The following SETBP1 variants were observed in gnomAD, a reference collection of about 807,000 sequenced individuals.
SETBP1 encodes SET-binding protein.
In SETBP1, 9 loss-of-function variants were observed where a neutral mutation model predicts 101.0. The ratio of observed to expected loss-of-function variants is 0.09; its 90% CI spans 0.05 to 0.16. SETBP1 has a LOEUF of 0.16. Ranked by LOEUF, SETBP1 falls within the 10% of genes least tolerant of loss-of-function variation. The pLI, the probability that SETBP1 is intolerant of heterozygous loss-of-function variation, is 1.00. For missense variants in SETBP1, 1,858 were observed against 2,033.8 expected, an observed-to-expected ratio of 0.91 and a Z score of 1.66; for synonymous variants, 818 against 788.5, an observed-to-expected ratio of 1.04 and a Z score of -0.63.
intron 2 of SETBP1, among the ~76,000 whole-genome samples, chr18:44,787,583 G>A (rs1385058854): frequency 1.3e-5 from 2 of 151,974 alleles, no homozygotes; most frequent in Admixed American, 6.6e-5. Context: ...GGCCGGGCGC[G>A]GTGGCTCACG....
At chr18:44,818,380 G>T (rs914316094) in intron 2 of SETBP1, among the ~76,000 whole-genome samples, 2 of 152,086 alleles carry the variant, frequency 1.3e-5, no homozygotes, top group East Asian at 1.9e-4. Context: ...AGGCCCAGCC[G>T]GGCAGTGACA....
chr18:44,705,918 C>A (rs1040526298), intron 2 of SETBP1, among the ~76,000 whole-genome samples: 2 of 152,174 alleles, frequency 1.3e-5, no homozygotes, highest in African/African-American at 2.4e-5. Context: ...CTCAAGGATG[C>A]ACGGACTCTT....
intron 1 of SETBP1, among the ~76,000 whole-genome samples, chr18:44,697,705 A>C: frequency 6.6e-6 from 1 of 152,238 alleles, no homozygotes; most frequent in East Asian, 1.9e-4. Context: ...GCTAGAAGAC[A>C]ATACAAGGCT....
At chr18:44,889,665 A>T in intron 3 of SETBP1, among the ~76,000 whole-genome samples, 1 of 152,142 alleles carries the variant, frequency 6.6e-6, no homozygotes, top group Admixed American at 6.6e-5. Context: ...CAGATAGTTA[A>T]ATTAAACTAT....
At chr18:45,005,397 A>G (rs2072702313) in intron 4 of SETBP1, among the ~76,000 whole-genome samples, 1 of 152,204 alleles carries the variant, frequency 6.6e-6, no homozygotes, top group African/African-American at 2.4e-5. Context: ...ATAGGGTCAT[A>G]AGACCATGGG....
At chr18:44,937,205 C>G (rs944297093) in intron 3 of SETBP1, among the ~76,000 whole-genome samples, 1 of 152,032 alleles carries the variant, frequency 6.6e-6, no homozygotes, top group Non-Finnish European at 1.5e-5. Context: ...GTAATCCCAG[C>G]ACTTTGGGAG....
Position 44,950,023 on chromosome 18 carries a change from G to A in SETBP1, c.683G>A (p.Ser228Asn). Residue 228 changes from serine (S) to asparagine (N), a missense_variant, in exon 4 of 6, where the codon AGC (serine) becomes AAC (asparagine). Ser to Asn is a conservative substitution (Grantham distance 46). Transcript: ENST00000649279. ...ATGGACTGGTCCACCAACTCTGACA[G>A]CGGACCCGTCACTCAGAATTGCTTC... ...NHMDWSTNSD[S>N]GPVTQNCFIS... The A allele has an allele frequency of 6.2e-7, 1 of 1,614,188 alleles. No individual in the cohort carries two copies. The highest frequency in any genetic ancestry group is 8.5e-7 in the Non-Finnish European group (1 of 1,180,020).
intron 3 of SETBP1, chr18:44,872,195 C>A (rs537635710): frequency 5.3e-5 from 8 of 152,230 alleles, no homozygotes; most frequent in African/African-American, 1.9e-4. Flanking sequence ...AGCCCAAAAA[C>A]CATATGCTTT....
chr18:44,927,290 A>G (rs1044606845), intron 3 of SETBP1, among the ~76,000 whole-genome samples: 1 of 152,204 alleles, frequency 6.6e-6, no homozygotes, highest in African/African-American at 2.4e-5. Flanking sequence ...TGCAGCCTAC[A>G]TTCAACCTTC....
intron 4 of SETBP1, among the ~76,000 whole-genome samples, chr18:45,035,455 A>G (rs909792023): frequency 2.0e-5 from 3 of 152,252 alleles, no homozygotes; most frequent in Non-Finnish European, 2.9e-5. Flanking sequence ...ATTCTGTAAC[A>G]TGAACACTTG....
intron 4 of SETBP1, among the ~76,000 whole-genome samples, chr18:44,992,238 G>A (rs1013674380): frequency 6.6e-6 from 1 of 151,992 alleles, no homozygotes; most frequent in East Asian, 1.9e-4. Context: ...AAAAGTAGAA[G>A]AAAGGAATGT....
At chr18:45,002,705 C>T (rs1014344244) in intron 4 of SETBP1, among the ~76,000 whole-genome samples, 1 of 152,178 alleles carries the variant, frequency 6.6e-6, no homozygotes, top group Non-Finnish European at 1.5e-5. Flanking sequence ...TTTGCAGTTC[C>T]TTCTCCAAGG....
intron 2 of SETBP1, among the ~76,000 whole-genome samples, chr18:44,838,943 TA>T (rs2144511369): frequency 6.6e-6 from 1 of 152,272 alleles, no homozygotes; most frequent in African/African-American, 2.4e-5. Context: ...ATCCCATTTT[TA>T]AGAGAATGAA....
intron 2 of SETBP1, among the ~76,000 whole-genome samples, chr18:44,703,552 C>T (rs2069159578): frequency 1.3e-5 from 2 of 151,788 alleles, no homozygotes; most frequent in Admixed American, 1.3e-4. Context: ...TGACTGACTC[C>T]TCACAGTTTG....
At chr18:44,981,819 G>A (rs907339992) in intron 4 of SETBP1, among the ~76,000 whole-genome samples, 1 of 152,082 alleles carries the variant, frequency 6.6e-6, no homozygotes. Flanking sequence ...TTTTTAAGAA[G>A]CCCTTAGTTT....
chr18:44,725,215 C>G (rs1229833165), intron 2 of SETBP1, among the ~76,000 whole-genome samples: 1 of 152,176 alleles, frequency 6.6e-6, no homozygotes, highest in African/African-American at 2.4e-5. Context: ...TGTTATTGTT[C>G]TTTTCTTTTC....
At chr18:44,746,443 A>G (rs2070248715) in intron 2 of SETBP1, among the ~76,000 whole-genome samples, 1 of 152,240 alleles carries the variant, frequency 6.6e-6, no homozygotes, top group Admixed American at 6.5e-5. Flanking sequence ...GCCATGTTCC[A>G]AAATGGAGAA....
chr18:44,776,697 A>C (rs2071011662), intron 2 of SETBP1, among the ~76,000 whole-genome samples: 1 of 152,252 alleles, frequency 6.6e-6, no homozygotes, highest in Non-Finnish European at 1.5e-5. Flanking sequence ...ATAGTAAAGA[A>C]ATATAAAACA....
At position 44,950,911 on chromosome 18, in the gene SETBP1, C is replaced by T; in HGVS notation, c.1571C>T (p.Pro524Leu). The change falls in exon 4 of 6, where the codon CCA becomes CTA. Residue 524 changes from proline to leucine, a missense_variant. Transcript: ENST00000649279. ...PSRKLPEIQH[P>L]KFAAKRRWTC... is the part of the protein sequence containing the mutation. ...AGAAAGCTGCCAGAAATCCAGCATC[C>T]AAAATTTGCTGCAAAACGAAGGTGG... 6.2e-7 allele frequency: 1 copy of T among 1,614,146 alleles called. No homozygotes were observed. Among genetic ancestry groups the T allele is most frequent in the Non-Finnish European group, 8.5e-7 (1 of 1,180,026 alleles).
Sources: gnomAD v4.1 joint callset for allele counts (sites outside exome capture counted in the v4.1 genomes callset) on GRCh38, gnomAD v4.1.1 for gene constraint, MANE v1.5 for transcripts, NCBI Gene and HGNC (gene_info 2026-07-23, HGNC 2026-07-21) for gene names.